ANKRD11: variants seen among roughly 807,000 people sequenced by gnomAD.
ANKRD11 encodes ankyrin repeat domain 11.
Under a neutral mutation model 195.7 loss-of-function variants are expected in ANKRD11, and 17 were observed. That is an observed-to-expected ratio of 0.09 (90% CI 0.06 to 0.13). The LOEUF is 0.13. Ranked by LOEUF, ANKRD11 falls within the 10% of genes least tolerant of loss-of-function variation. ANKRD11 has a pLI of 1.00. For synonymous variants in ANKRD11, 1,953 were observed against 1,528.1 expected (o/e 1.28, Z -6.49); for missense variants, 3,735 against 3,566.1 (o/e 1.05, Z -1.21).
At chr16:89,397,847 C>T (rs1404219316) in intron 2 of ANKRD11, among the ~76,000 whole-genome samples, 1 of 152,230 alleles carries the variant, frequency 6.6e-6, no homozygotes, top group Admixed American at 6.5e-5. Flanking sequence ...TCCCAGCTAG[C>T]TCACCACCAG....
At chr16:89,419,175 T>C (rs1209451640) in intron 1 of ANKRD11, among the ~76,000 whole-genome samples, 2 of 152,032 alleles carry the variant, frequency 1.3e-5, no homozygotes, top group African/African-American at 4.8e-5. Flanking sequence ...AATAAAGCCA[T>C]GCATGGTGGC....
chr16:89,304,225 G>T (rs1438863063), intron 4 of ANKRD11, among the ~76,000 whole-genome samples: 1 of 152,186 alleles, frequency 6.6e-6, no homozygotes, highest in Non-Finnish European at 1.5e-5. Context: ...AGAAGGCGCT[G>T]ACCCCACCAG....
intron 3 of ANKRD11, among the ~76,000 whole-genome samples, chr16:89,316,633 G>C (rs552265512): frequency 2.0e-5 from 3 of 152,262 alleles, no homozygotes; most frequent in African/African-American, 7.2e-5. Context: ...CAGGAGCCAG[G>C]ACAGAAATCC....
chr16:89,270,931 G>A lies in ANKRD11; in HGVS notation c.7714-22C>T, dbSNP rs779048575. ...CACCCTGTGGAAACCAAACACGGGA[G>A]TTTCATCAGGAGCCCCAGAGACCGC... On this transcript the variant is annotated intron_variant, in intron 11 of 12. Coordinates refer to ENST00000301030, the MANE Select transcript of ANKRD11 (RefSeq NM_013275.6). 2.5e-5 allele frequency: 41 copies of A among 1,612,600 alleles called. 1 individual carries two copies. The highest frequency in any genetic ancestry group is 3.2e-5 in the Non-Finnish European group (38 of 1,179,030).
At chr16:89,314,548 G>C (rs372112144) in intron 3 of ANKRD11, among the ~76,000 whole-genome samples, 1 of 152,072 alleles carries the variant, frequency 6.6e-6, no homozygotes, top group Admixed American at 6.5e-5. Flanking sequence ...GGCCTTTCTC[G>C]TCTCGTGCTA....
intron 2 of ANKRD11, among the ~76,000 whole-genome samples, chr16:89,329,247 A>G (rs998440853): frequency 5.9e-5 from 9 of 152,330 alleles, no homozygotes; most frequent in South Asian, 4.1e-4. Flanking sequence ...GGTATCCAGG[A>G]TAAGACGGGG....
Position 89,476,639 on chromosome 16 carries a change from C to T in ANKRD11, c.-145+13606G>A, listed in dbSNP as rs75655045. 2.2e-3 allele frequency among the ~76,000 whole-genome samples: 334 copies of T among 152,304 alleles called. 2 individuals carry two copies. The highest frequency in any genetic ancestry group is 7.7e-3 in the African/African-American group (320 of 41,562). On this transcript the variant is annotated intron_variant, in intron 1 of 12. Coordinates refer to ENST00000301030, the MANE Select transcript of ANKRD11 (RefSeq NM_013275.6). Reference sequence around the variant, plus strand: ...AGTTACAGACACTGAGACCTCAAGCCGCAGGCACTAGCCTGCCAAAAAAGA... The same window carrying T: ...AGTTACAGACACTGAGACCTCAAGCTGCAGGCACTAGCCTGCCAAAAAAGA...
intron 2 of ANKRD11, among the ~76,000 whole-genome samples, chr16:89,331,537 C>T (rs1308607682): frequency 6.6e-6 from 1 of 152,200 alleles, no homozygotes; most frequent in Non-Finnish European, 1.5e-5. Context: ...GAAAATGGCA[C>T]ATTTAGGAAA....
At chr16:89,440,513 G>A (rs2043403393) in intron 1 of ANKRD11, among the ~76,000 whole-genome samples, 1 of 152,182 alleles carries the variant, frequency 6.6e-6, no homozygotes, top group Non-Finnish European at 1.5e-5. Flanking sequence ...GCACTCAGGA[G>A]GCTGAGGTGG....
chr16:89,378,625 G>C (rs2040518538), intron 2 of ANKRD11, among the ~76,000 whole-genome samples: 1 of 152,194 alleles, frequency 6.6e-6, no homozygotes, highest in African/African-American at 2.4e-5. Flanking sequence ...TGCTCAAGTA[G>C]CTTCTCTTGT....
At chr16:89,301,924 G>A (rs956108624) in intron 4 of ANKRD11, among the ~76,000 whole-genome samples, 1 of 152,196 alleles carries the variant, frequency 6.6e-6, no homozygotes, top group Non-Finnish European at 1.5e-5. Flanking sequence ...AGGGAGACGT[G>A]CCAGCCTCTG....
intron 1 of ANKRD11, among the ~76,000 whole-genome samples, chr16:89,458,295 G>A (rs567289393): frequency 3.3e-5 from 5 of 151,552 alleles, no homozygotes; most frequent in African/African-American, 9.7e-5. Context: ...CGCGATCTCC[G>A]CTCACTGCAA....
chr16:89,321,768 C>A (rs954357021), intron 2 of ANKRD11, among the ~76,000 whole-genome samples: 2 of 152,246 alleles, frequency 1.3e-5, no homozygotes, highest in African/African-American at 4.8e-5. Flanking sequence ...GTAAGCAGAG[C>A]TGACCATGAA....
chr16:89,323,800 G>A, intron 2 of ANKRD11: 1 of 243,418 alleles, frequency 4.1e-6, no homozygotes, highest in South Asian at 4.6e-5. Context: ...CCCTCCTCAG[G>A]GCCACACCAA....
At chr16:89,433,488 T>C (rs1597389718) in intron 1 of ANKRD11, among the ~76,000 whole-genome samples, 1 of 152,092 alleles carries the variant, frequency 6.6e-6, no homozygotes, top group Non-Finnish European at 1.5e-5. Flanking sequence ...AGACACGGCG[T>C]TGGCCACCAG....
At chr16:89,402,351 T>A (rs1449896350) in intron 2 of ANKRD11, among the ~76,000 whole-genome samples, 1 of 152,130 alleles carries the variant, frequency 6.6e-6, no homozygotes, top group Non-Finnish European at 1.5e-5. Context: ...CCAGCCACAA[T>A]AAGGTATCTG....
At chr16:89,406,810 G>A (rs540579266) in intron 2 of ANKRD11, among the ~76,000 whole-genome samples, 2 of 152,328 alleles carry the variant, frequency 1.3e-5, no homozygotes, top group East Asian at 1.9e-4. Flanking sequence ...GGTGCCCTCC[G>A]GGAGGCAGCA....
chr16:89,484,046 C>T (rs1179222122), intron 1 of ANKRD11, among the ~76,000 whole-genome samples: 1 of 152,068 alleles, frequency 6.6e-6, no homozygotes, highest in East Asian at 1.9e-4. Context: ...ACTAACACTA[C>T]AAGCTCTCGA....
At chr16:89,452,779 C>CAAAAAAAAAAAAAAAAAAAAA in intron 1 of ANKRD11, among the ~76,000 whole-genome samples, 1 of 73,516 alleles carries the variant, frequency 1.4e-5, no homozygotes, top group Non-Finnish European at 2.5e-5. Flanking sequence ...GACTCTATCT[C>CAAAAAAAAAAAAAAAAAAAAA]AAAAAAAAAA....
Sources: allele counts gnomAD v4.1 joint callset (sites outside exome capture counted in the v4.1 genomes callset), GRCh38; gene constraint gnomAD v4.1.1; transcripts MANE v1.5; gene names NCBI Gene and HGNC (gene_info 2026-07-23, HGNC 2026-07-21).